Variants in CFAP47 observed in about 807,000 individuals in gnomAD.
CFAP47 encodes cilia and flagella associated protein 47.
Under a neutral mutation model 148.1 loss-of-function variants are expected in CFAP47, and 29 were observed. That is an observed-to-expected ratio of 0.20 (90% CI 0.15 to 0.27). The LOEUF is 0.27. Among genes scored for constraint, CFAP47 ranks in the 10% least tolerant of loss-of-function variants. CFAP47 has a pLI of 1.00. For synonymous variants in CFAP47, 664 were observed against 577.3 expected (o/e 1.15, Z -2.15); for missense variants, 1,872 against 1,697.5 (o/e 1.10, Z -1.81).
At chrX:36,273,929 A>G (rs1940986642) in intron 49 of CFAP47, among the ~76,000 whole-genome samples, 1 of 111,990 alleles carries the variant, frequency 8.9e-6, no homozygotes, top group Non-Finnish European at 1.9e-5. Context: ...GTTTTTCATG[A>G]GAAAAATATC....
At chrX:36,116,621 T>C (rs186750782) in intron 33 of CFAP47, among the ~76,000 whole-genome samples, 1 of 111,625 alleles carries the variant, frequency 9.0e-6, no homozygotes, top group Non-Finnish European at 1.9e-5. Flanking sequence ...TTATTTTTAG[T>C]TTTTGTGAGT....
Position 36,138,353 on chromosome X carries a change from G to T in CFAP47, c.5424G>T (p.Glu1808Asp). 1 of 1,117,073 alleles carries T rather than the reference G, an allele frequency of 9.0e-7. No homozygotes were observed. Among genetic ancestry groups the T allele is most frequent in the Admixed American group, 3.4e-5 (1 of 29,327 alleles). 92.1% of individuals were successfully genotyped at this position (1,117,073 alleles called of 1,213,427 possible). ...TGATTTTTTTTTTTTTACAGATTGA[G>T]TCTCATTTTATAAATATGTACACAC... ...QLGAYCPFLI[E>D]SHFINMYTRP... The change falls in exon 35 of 64, where the codon GAG (glutamate) becomes GAT (aspartate). Residue 1808 changes from glutamate (E) to aspartate (D), a missense_variant. Glu to Asp is a conservative substitution (Grantham distance 45). Transcript: ENST00000378653.
chrX:36,143,936 C>CT (rs1196826685), intron 35 of CFAP47, among the ~76,000 whole-genome samples: 1 of 111,237 alleles, frequency 9.0e-6, no homozygotes, highest in African/African-American at 3.3e-5. Flanking sequence ...ACCCTGCCGT[C>CT]TAAGACCTCC....
At chrX:35,986,815 T>C (rs1485458349) in intron 15 of CFAP47, among the ~76,000 whole-genome samples, 11 of 111,610 alleles carry the variant, frequency 9.9e-5, no homozygotes, top group Admixed American at 3.8e-4. Context: ...TTTTTGTTGA[T>C]GTTGGTGCTA....
intron 45 of CFAP47, among the ~76,000 whole-genome samples, chrX:36,213,466 C>A (rs1052197705): frequency 9.0e-6 from 1 of 111,403 alleles, no homozygotes; most frequent in Admixed American, 9.6e-5. Context: ...GTCTAGAAAC[C>A]TATATTATCA....
rs200104199 is a variant in CFAP47, at chrX:36,371,916, ATATATGTG to A, written c.9185+4795_9185+4802del. On this transcript the variant is annotated intron_variant, in intron 62 of 63. Transcript: ENST00000378653. ...TACACACATGTGTATATATGTGTGT[ATATATGTG>A]TATATACACACATGTGTATATGTGT... Among the ~76,000 whole-genome samples, 100 of 54,121 alleles carry A rather than the reference ATATATGTG, an allele frequency of 1.8e-3. 10 individuals are homozygous for A. In the African/African-American group the frequency reaches 0.024, roughly 13 times the overall value. The allele number at this position is 54,121 out of a possible 115,157, so 47.0% of individuals were successfully genotyped here. A position where few individuals can be genotyped will look rare whatever the true frequency, so the allele number is the denominator to read the frequency against.
rs148182700 is a variant in CFAP47 at position 36,316,743 on chromosome X, T to C, written c.8345-2466T>C. Among the ~76,000 whole-genome samples, 159 of 112,159 alleles carry C rather than the reference T, an allele frequency of 1.4e-3. 2 individuals are homozygous for C. The highest frequency in any genetic ancestry group is 1.7e-3 in the East Asian group (6 of 3,560). On this transcript the variant is annotated intron_variant, in intron 56 of 63. Transcript: ENST00000378653. ...TTTTGTGACATACCCAACTTAGGAATAGAACTCTTCACGCAAGGAGACATT... is the reference window on the plus strand; with the variant it reads ...TTTTGTGACATACCCAACTTAGGAACAGAACTCTTCACGCAAGGAGACATT...
At chrX:36,078,540 T>C (rs1055204931) in intron 29 of CFAP47, among the ~76,000 whole-genome samples, 6 of 110,746 alleles carry the variant, frequency 5.4e-5, no homozygotes, top group Non-Finnish European at 9.4e-5. Context: ...ACTTTTTTTT[T>C]GTTTTCCATT....
Position 36,208,947 on chromosome X carries a change from CAA to C in CFAP47, c.6817+3838_6817+3839del, listed in dbSNP as rs200707286. ...CACCATTGCACTTCAGCCTGGGCGA[CAA>C]GAGAGAAACTCTATCTCCCCCAAAA... On this transcript the variant is annotated intron_variant, in intron 45 of 63. Transcript: ENST00000378653. Among the ~76,000 whole-genome samples the C allele has an allele frequency of 4.6e-3, 512 of 111,445 alleles. 4 individuals are homozygous for C. Among genetic ancestry groups the C allele is most frequent in the African/African-American group, 0.015 (463 of 30,612 alleles).
chrX:35,926,120 G>T lies in CFAP47; in HGVS notation c.353G>T (p.Arg118Leu), dbSNP rs370040967. The change falls in exon 2 of 64, where the codon CGG becomes CTG. Residue 118 changes from arginine (R) to leucine (L), a missense_variant. Transcript: ENST00000378653. ...GATAAAGACGAAGACACTTTTGACC[G>T]GCTACTTATTTCAATAGAAAATAAA... Reference protein sequence around the residue: ...HPDKDEDTFDRLLISIENKTT... With the variant: ...HPDKDEDTFDLLLISIENKTT... The T allele has an allele frequency of 8.3e-7, 1 of 1,203,226 alleles. No individual in the cohort carries two copies. The highest frequency in any genetic ancestry group is 1.1e-6 in the Non-Finnish European group (1 of 889,961).
At chrX:36,241,849 G>A (rs933992483) in intron 48 of CFAP47, among the ~76,000 whole-genome samples, 3 of 111,975 alleles carry the variant, frequency 2.7e-5, no homozygotes, top group Non-Finnish European at 5.6e-5. Flanking sequence ...CCCTGGCCTG[G>A]AACGCCTAAC....
At chrX:35,990,763 TC>T (rs962164521) in intron 16 of CFAP47, among the ~76,000 whole-genome samples, 6 of 111,430 alleles carry the variant, frequency 5.4e-5, no homozygotes, top group Non-Finnish European at 1.1e-4. Flanking sequence ...ATTATCTTAT[TC>T]CTTTTGCCTT....
rs782461576 is a variant in CFAP47, at chrX:36,304,125, T to TA, written c.8082+167dup. On this transcript the variant is annotated intron_variant, in intron 54 of 63. Transcript: ENST00000378653. ...GGCCCAGCGGGGTGGCTCATGCCTG[T>TA]AATCCCAGCACTTTGGGAGGCTGAG... 1.3e-4 allele frequency among the ~76,000 whole-genome samples: 14 copies of TA among 111,931 alleles called. No homozygotes were observed. In the South Asian group the frequency reaches 3.7e-3, roughly 29 times the overall value.
chrX:36,051,554 G>C (rs1204846458), intron 26 of CFAP47, among the ~76,000 whole-genome samples: 3 of 111,785 alleles, frequency 2.7e-5, no homozygotes, highest in Non-Finnish European at 5.6e-5. Flanking sequence ...TGGAATGGCT[G>C]TATTTACCCA....
intron 60 of CFAP47, among the ~76,000 whole-genome samples, chrX:36,356,226 G>A (rs1941784820): frequency 9.0e-6 from 1 of 111,147 alleles, no homozygotes; most frequent in South Asian, 3.8e-4. Context: ...CTGTCGGGAA[G>A]GTTTGCAGTC....
intron 33 of CFAP47, among the ~76,000 whole-genome samples, chrX:36,107,109 A>G (rs896444851): frequency 1.8e-5 from 2 of 111,629 alleles, no homozygotes; most frequent in Non-Finnish European, 3.8e-5. Flanking sequence ...TTTTGCTACA[A>G]ACCTGATAAT....
At chrX:36,355,212 AC>A (rs1167351370) in intron 60 of CFAP47, among the ~76,000 whole-genome samples, 9 of 110,810 alleles carry the variant, frequency 8.1e-5, no homozygotes, top group African/African-American at 2.0e-4. Context: ...TCAAAAAAAA[AC>A]GTGTTGATAA....
At position 35,967,477 on chromosome X, in the gene CFAP47, G is replaced by T. The variant is rs190111109; in HGVS notation, c.1601-142G>T. Reference sequence around the variant, plus strand: ...AATTGTGTAGGTCTTTTTTATTAATGATTTGTATTTTCCAAATGTGTTTAG... The same window carrying T: ...AATTGTGTAGGTCTTTTTTATTAATTATTTGTATTTTCCAAATGTGTTTAG... On this transcript the variant is annotated intron_variant, in intron 9 of 63. Transcript: ENST00000378653. 1,335 of 352,543 alleles carry T rather than the reference G, an allele frequency of 3.8e-3. 6 individuals carry two copies. The highest frequency in any genetic ancestry group is 0.017 in the African/African-American group (642 of 37,550). 29.1% of individuals were successfully genotyped at this position (352,543 alleles called of 1,213,427 possible). A position where few individuals can be genotyped will look rare whatever the true frequency, so the allele number is the denominator to read the frequency against.
intron 46 of CFAP47, among the ~76,000 whole-genome samples, chrX:36,231,728 A>G (rs1252698607): frequency 4.2e-4 from 47 of 111,599 alleles, no homozygotes; most frequent in Non-Finnish European, 7.5e-4. Context: ...TTGCCCATTC[A>G]GTATGATATT....
Sources: allele counts gnomAD v4.1 joint callset (sites outside exome capture counted in the v4.1 genomes callset), GRCh38; gene constraint gnomAD v4.1.1; transcripts MANE v1.5; gene names NCBI Gene and HGNC (gene_info 2026-07-23, HGNC 2026-07-21).